HERC1: variants seen among roughly 807,000 people sequenced by gnomAD.
HERC1 encodes probable E3 ubiquitin-protein ligase HERC1.
In HERC1, 160 loss-of-function variants were observed where a neutral mutation model predicts 554.3. The ratio of observed to expected loss-of-function variants is 0.29; its 90% confidence interval spans 0.25 to 0.33. The LOEUF is 0.33. Among genes scored for constraint, HERC1 ranks in the 10% least tolerant of loss-of-function variants. The pLI is 1.00. For synonymous variants in HERC1, 2,175 were observed against 2,131.7 expected (o/e 1.02, Z -0.56); for missense variants, 4,919 against 5,918.5 (o/e 0.83, Z 5.54).
rs151322641 is a variant in HERC1 at position 63,803,635 on chromosome 15, C to T, written c.-26-27986G>A. Reference sequence around the variant, plus strand: ...AAAACCTCAGAAGGTTTTAATGAACCAATTGCCAATTCAGTTCCTTCTTAA... The same window carrying T: ...AAAACCTCAGAAGGTTTTAATGAACTAATTGCCAATTCAGTTCCTTCTTAA... On this transcript the variant is annotated intron_variant, in intron 1 of 77. Transcript: ENST00000443617. Among the ~76,000 whole-genome samples the T allele has an allele frequency of 2.7e-3, 412 of 152,294 alleles. 1 individual carries two copies. The highest frequency in any genetic ancestry group is 9.3e-3 in the African/African-American group (387 of 41,542).
intron 40 of HERC1, among the ~76,000 whole-genome samples, chr15:63,666,713 C>T (rs1330706129): frequency 1.3e-5 from 2 of 152,068 alleles, no homozygotes; most frequent in African/African-American, 4.8e-5. Context: ...TAACCCACTC[C>T]TCATCCAAGT....
intron 2 of HERC1, among the ~76,000 whole-genome samples, chr15:63,773,164 CG>C (rs1375953759): frequency 6.6e-6 from 1 of 152,010 alleles, no homozygotes; most frequent in Non-Finnish European, 1.5e-5. Context: ...CAATGTAGGC[CG>C]GGTGTGGTGG....
chr15:63,739,388 G>A (rs536802684), intron 12 of HERC1, among the ~76,000 whole-genome samples: 9 of 151,642 alleles, frequency 5.9e-5, no homozygotes, highest in African/African-American at 2.2e-4. Flanking sequence ...AGTAAAAAAG[G>A]GTTTTACCAT....
At position 63,640,480 on chromosome 15, in the gene HERC1, A is replaced by G. The variant is rs548453424; in HGVS notation, c.11608-35T>C. On this transcript the variant is annotated intron_variant, in intron 60 of 77. Coordinates refer to ENST00000443617, the MANE Select transcript of HERC1 (RefSeq NM_003922.4). ...AATACAAGGATATAATATGTCAAAG[A>G]GTTTGTGCCAAATATTCTAAATTAA... The G allele has an allele frequency of 1.2e-5, 18 of 1,532,170 alleles. No homozygotes were observed. In the African/African-American group the frequency reaches 2.2e-4, roughly 19 times the overall value. 94.9% of individuals were successfully genotyped at this position (1,532,170 alleles called of 1,614,324 possible).
Position 63,656,212 on chromosome 15 carries a change from G to A in HERC1, c.9746C>T (p.Ser3249Leu). Residue 3249 changes from serine (S) to leucine (L), a missense_variant, in exon 49 of 78, where the codon TCA (serine) becomes TTA (leucine). This residue lies in a region of HERC1 where 1,963 missense variants were observed against 2,228.6 expected (regional missense o/e 0.88). Coordinates refer to ENST00000443617, the MANE Select transcript of HERC1 (RefSeq NM_003922.4). The stretch of plus-strand genomic sequence containing the variant: ...GTTAGCCTTGCTATGCCCACCTCGT[G>A]ATCGTTCTGAGGTGCTAGCCATGGC... Reference protein sequence around the residue: ...PSAMASTSERSRGGHSKANKP... With the variant: ...PSAMASTSERLRGGHSKANKP... 1 of 1,613,258 alleles carries A rather than the reference G, an allele frequency of 6.2e-7. No homozygotes were observed. Among genetic ancestry groups the A allele is most frequent in the African/African-American group, 1.3e-5 (1 of 75,036 alleles).
chr15:63,744,164 G>GTGTGTGTGTGTGTCTCTCTC, intron 12 of HERC1, among the ~76,000 whole-genome samples: 1 of 46,220 alleles, frequency 2.2e-5, no homozygotes, highest in African/African-American at 6.7e-5. Context: ...GTGTGTGTGT[G>GTGTGTGTGTGTGTCTCTCTC]TCTCTCTCTC....
At chr15:63,614,390 CAGA>C (rs1041401943) in intron 76 of HERC1, among the ~76,000 whole-genome samples, 5 of 152,176 alleles carry the variant, frequency 3.3e-5, no homozygotes, top group African/African-American at 9.7e-5. Flanking sequence ...GGCTGGCGTG[CAGA>C]AGGTTATCAA....
Position 63,680,463 on chromosome 15 carries a change from G to A in HERC1, c.6465+74C>T. 24 of 1,473,792 alleles carry A rather than the reference G, an allele frequency of 1.6e-5. No homozygotes were observed. Among genetic ancestry groups the A allele is most frequent in the Middle Eastern group, 1.8e-4 (1 of 5,482 alleles). The allele number at this position is 1,473,792 out of a possible 1,614,324, so 91.3% of individuals were successfully genotyped here. ...AGCAGATAATCTATAAACTGAATAC[G>A]TGGCACTTGAATAACCGAGTTGACT... is the stretch of plus-strand genomic sequence containing the variant. On this transcript the variant is annotated intron_variant, in intron 35 of 77. Coordinates refer to ENST00000443617, the MANE Select transcript of HERC1 (RefSeq NM_003922.4). The surrounding 1 kb of genome is among the most constrained non-coding windows in gnomAD (Gnocchi z 5.8).
intron 45 of HERC1, 72 bp from the exon 46 acceptor site, chr15:63,661,097 T>C (rs1032532480): frequency 1.8e-6 from 2 of 1,083,048 alleles, no homozygotes; most frequent in Admixed American, 1.7e-5. Flanking sequence ...ATTAAGTCAT[T>C]AGAACATTTT....
At chr15:63,675,237 C>T in intron 37 of HERC1, 120 bp from the exon 38 acceptor site, 1 of 756,988 alleles carries the variant, frequency 1.3e-6, no homozygotes, top group Non-Finnish European at 2.0e-6. Flanking sequence ...GAATAATTTA[C>T]ACAAACTAGA....
Position 63,645,669 on chromosome 15 carries a change from C to G in HERC1, c.10892G>C (p.Ser3631Thr), listed in dbSNP as rs1162859422. 1 of 1,570,892 alleles carries G rather than the reference C, an allele frequency of 6.4e-7. No homozygotes were observed. The change falls in exon 56 of 78, where the codon AGC (serine) becomes ACC (threonine). Residue 3631 changes from serine to threonine, a missense_variant. Around this residue, in one of 11 missense-constraint regions of HERC1, gnomAD observed 1,963 missense variants for 2,228.6 expected, o/e 0.88. Coordinates refer to ENST00000443617, the MANE Select transcript of HERC1 (RefSeq NM_003922.4). Reference sequence around the variant, plus strand: ...ATGACCTGTAGGGTCCCACTTCATGCTAATAAGAGTATCCTTAAAATGGAA... The same window carrying G: ...ATGACCTGTAGGGTCCCACTTCATGGTAATAAGAGTATCCTTAAAATGGAA... ...LIDAHKDTLI[S>T]MKWDPTGHIL...
In HERC1 at chr15:63,626,113, G is replaced by T; in HGVS notation, c.13147C>A (p.Pro4383Thr). The T allele has an allele frequency of 6.2e-7, 1 of 1,613,702 alleles. No individual in the cohort carries two copies. ...PLQLGLPDTV[P>T]PQYGALREVS... is the part of the protein sequence containing the mutation. The stretch of plus-strand genomic sequence containing the variant: ...TCTCTCAGCGCCCCATACTGGGGGG[G>T]CACTGTGTCAGGCAGGCCCAGCTGC... The change falls in exon 71 of 78, where the codon CCC becomes ACC. Residue 4383 changes from proline (P) to threonine (T), a missense_variant. By Grantham distance (38) the Pro-to-Thr change is conservative. This residue lies in a region of HERC1 where 410 missense variants were observed against 467.0 expected (regional missense o/e 0.88). Coordinates refer to ENST00000443617, the MANE Select transcript of HERC1 (RefSeq NM_003922.4).
chr15:63,733,190 C>G (rs779824879), intron 13 of HERC1, 45 bp from the exon 14 acceptor site: 2 of 1,276,520 alleles, frequency 1.6e-6, no homozygotes, highest in Admixed American at 3.4e-5. Context: ...GTAATATGCA[C>G]TAGAAAAGAA....
intron 1 of HERC1, among the ~76,000 whole-genome samples, chr15:63,793,205 T>C (rs964717287): frequency 2.6e-5 from 4 of 152,130 alleles, no homozygotes; most frequent in African/African-American, 9.7e-5. Flanking sequence ...CCAGGCTGAA[T>C]TCCCAGGAGG....
chr15:63,782,246 T>C (rs1596240646), intron 1 of HERC1, among the ~76,000 whole-genome samples: 1 of 152,332 alleles, frequency 6.6e-6, no homozygotes, highest in East Asian at 1.9e-4. Context: ...AATAATTCAA[T>C]ACCTGCCTTC....
intron 25 of HERC1, among the ~76,000 whole-genome samples, chr15:63,703,766 A>C (rs1188984704): frequency 1.3e-5 from 2 of 152,018 alleles, no homozygotes; most frequent in Non-Finnish European, 2.9e-5. Context: ...TTAGCCAGGC[A>C]TAGTGGCATG....
chr15:63,637,125 C>T, intron 64 of HERC1: 1 of 457,458 alleles, frequency 2.2e-6, no homozygotes. Flanking sequence ...ATGAAGATGT[C>T]CTTTAAAGTC....
chr15:63,628,722 G>A lies in HERC1; in HGVS notation c.13060C>T (p.His4354Tyr). ...NVRQISAGRC[H>Y]SAAWTAPPVP... ...GGTGGTGCTGTCCATGCAGCACTGT[G>A]GCAGCGGCCAGCCGAGATCTGCCGA... The change falls in exon 70 of 78, where the codon CAC (histidine) becomes TAC (tyrosine). Residue 4354 changes from histidine to tyrosine, a missense_variant. His to Tyr is a moderately conservative substitution (Grantham distance 83, BLOSUM62 2). Around this residue, in one of 11 missense-constraint regions of HERC1, gnomAD observed 410 missense variants for 467.0 expected, o/e 0.88. Transcript: ENST00000443617. 1 of 1,613,898 alleles carries A rather than the reference G, an allele frequency of 6.2e-7. No homozygotes were observed. Among genetic ancestry groups the A allele is most frequent in the Non-Finnish European group, 8.5e-7 (1 of 1,179,868 alleles).
intron 1 of HERC1, among the ~76,000 whole-genome samples, chr15:63,801,382 C>T (rs1174576146): frequency 1.3e-5 from 2 of 152,134 alleles, no homozygotes; most frequent in East Asian, 1.9e-4. Flanking sequence ...TAGTCTGATG[C>T]TAACTCTGGA....
Sources: allele counts gnomAD v4.1 joint callset (sites outside exome capture counted in the v4.1 genomes callset), GRCh38; gene constraint gnomAD v4.1.1; regional missense constraint gnomAD v4.1.1; non-coding constraint Gnocchi (gnomAD v3.1); transcripts MANE v1.5; gene names NCBI Gene and HGNC (gene_info 2026-07-23, HGNC 2026-07-21).